The following MAPK6 variants were observed in gnomAD, a reference collection of about 807,000 sequenced individuals.
MAPK6 encodes ERK-3.
MAPK6 carries 19 observed loss-of-function variants against 59.3 expected under a neutral mutation model. The ratio of observed to expected loss-of-function variants is 0.32; its 90% CI spans 0.22 to 0.47. MAPK6 has a LOEUF of 0.47. Ranked by LOEUF, MAPK6 falls within the 20% of genes least tolerant of loss-of-function variation. The pLI, the probability that MAPK6 is intolerant of heterozygous loss-of-function variation, is 1.00. For synonymous variants in MAPK6, 316 were observed against 290.3 expected (o/e 1.09, Z -0.90); for missense variants, 724 against 847.9 (o/e 0.85, Z 1.81).
At chr15:52,013,020 AATATATATATATATATATATATAT>A (rs71130116) in intron 3 of MAPK6, among the ~76,000 whole-genome samples, 5 of 19,130 alleles carry the variant, frequency 2.6e-4, no homozygotes, top group African/African-American at 9.5e-4. Context: ...AAAAAAAAAA[AATATATATATATATATATATATAT>A]ATATATATAT....
intron 1 of MAPK6, chr15:52,021,693 A>T (rs901040692): frequency 4.6e-5 from 7 of 152,144 alleles, no homozygotes; most frequent in African/African-American, 1.7e-4. Flanking sequence ...TGTCGGTAGA[A>T]ATTGACCTTA....
upstream of MAPK6, among the ~76,000 whole-genome samples, chr15:52,016,888 A>G (rs1480996651): frequency 6.6e-6 from 1 of 152,128 alleles, no homozygotes; most frequent in Non-Finnish European, 1.5e-5. Flanking sequence ...TACTAAAAAT[A>G]CAAAAATCAG....
chr15:51,996,584 C>G (rs866493015), intron 2 of MAPK6, among the ~76,000 whole-genome samples: 3 of 151,760 alleles, frequency 2.0e-5, no homozygotes, highest in African/African-American at 4.8e-5. Flanking sequence ...TTAGTAGAAA[C>G]GAGGTTTCGC....
intron 1 of MAPK6, among the ~76,000 whole-genome samples, chr15:52,023,558 T>C (rs2030629452): frequency 6.6e-6 from 1 of 152,232 alleles, no homozygotes; most frequent in Non-Finnish European, 1.5e-5. Context: ...TTTTTTCACC[T>C]CCATGAACTG....
Position 52,050,120 on chromosome 15 carries a change from G to A in MAPK6, c.683G>A (p.Gly228Asp). The change falls in exon 3 of 6, where the codon GGT becomes GAT. Residue 228 changes from glycine to aspartate, a missense_variant. By Grantham distance (94) the Gly-to-Asp change is moderately conservative. Coordinates refer to ENST00000261845, the MANE Select transcript of MAPK6 (RefSeq NM_002748.4). ...TGCATCTTTGCTGAAATGCTGACTG[G>A]TAAAACCCTTTTTGCAGGTTAGTAT... is the stretch of plus-strand genomic sequence containing the variant. ...AGCIFAEMLTGKTLFAGAHEL... is the reference protein window; with the variant it reads ...AGCIFAEMLTDKTLFAGAHEL... 1 of 1,608,534 alleles carries A rather than the reference G, an allele frequency of 6.2e-7. No individual in the cohort carries two copies. Among genetic ancestry groups the A allele is most frequent in the Non-Finnish European group, 8.5e-7 (1 of 1,178,862 alleles).
Position 52,046,922 on chromosome 15 carries a change from A to C in MAPK6, c.462A>C (p.Lys154Asn). The change falls in exon 2 of 6, where the codon AAA (lysine) becomes AAC (asparagine). Residue 154 changes from lysine to asparagine, a missense_variant. Lys to Asn is a moderately conservative substitution (Grantham distance 94). Coordinates refer to ENST00000261845, the MANE Select transcript of MAPK6 (RefSeq NM_002748.4). ...HSANVLHRDL[K>N]PANLFINTED... ...CAAATGTACTGCACAGAGATCTCAA[A>C]CCAGCTAATCTTTTCATTAATACGG... The C allele has an allele frequency of 6.2e-7, 1 of 1,613,952 alleles. No individual in the cohort carries two copies. Among genetic ancestry groups the C allele is most frequent in the Non-Finnish European group, 8.5e-7 (1 of 1,179,932 alleles).
chr15:52,040,544 T>G (rs566141691), intron 1 of MAPK6, among the ~76,000 whole-genome samples: 1 of 152,374 alleles, frequency 6.6e-6, no homozygotes, highest in African/African-American at 2.4e-5. Flanking sequence ...ACATCTAGAC[T>G]TCCTTTTTGA....
At chr15:52,053,654 T>C (rs1365732119) in intron 3 of MAPK6, among the ~76,000 whole-genome samples, 2 of 151,264 alleles carry the variant, frequency 1.3e-5, no homozygotes, top group African/African-American at 2.4e-5. Flanking sequence ...TTGATTGATT[T>C]TTTAAGACAG....
rs936592583 is a variant in MAPK6, at chr15:52,012,829, A to C, written c.-632+8427A>C. On this transcript the variant is annotated intron_variant, in intron 3 of 7. Transcript: ENST00000691380. ...TGGTGAAACCTCGTCTTTACTAAAA[A>C]TACAAAAATTAGCCGGGCGTGGTGG... Among the ~76,000 whole-genome samples, 5 of 151,186 alleles carry C rather than the reference A, an allele frequency of 3.3e-5. No homozygotes were observed. In the East Asian group the frequency reaches 9.7e-4, roughly 29 times the overall value.
intron 1 of MAPK6, among the ~76,000 whole-genome samples, chr15:51,979,022 G>T (rs1331182083): frequency 6.6e-6 from 1 of 150,788 alleles, no homozygotes; most frequent in African/African-American, 2.4e-5. Flanking sequence ...GAGGCATGAG[G>T]ATCATTTGAG....
At chr15:51,987,057 C>T (rs1343154942) in intron 2 of MAPK6, among the ~76,000 whole-genome samples, 5 of 152,082 alleles carry the variant, frequency 3.3e-5, no homozygotes, top group African/African-American at 7.2e-5. Flanking sequence ...TTTATAAAAA[C>T]GTATTACCAT....
chr15:52,019,536 T>C (rs2030417859), intron 1 of MAPK6, among the ~76,000 whole-genome samples, 160 bp downstream of exon 1: 1 of 145,670 alleles, frequency 6.9e-6, no homozygotes, highest in South Asian at 2.1e-4. Context: ...AAAGGCGTTT[T>C]TGTTCGGTCT....
At chr15:52,056,445 T>C (rs1199308695) in intron 3 of MAPK6, among the ~76,000 whole-genome samples, 1 of 151,908 alleles carries the variant, frequency 6.6e-6, no homozygotes, top group African/African-American at 2.4e-5. Flanking sequence ...AAAAGATGCG[T>C]GCATCCTTGC....
chr15:52,023,010 G>A (rs1022710794), intron 1 of MAPK6, among the ~76,000 whole-genome samples: 1 of 151,088 alleles, frequency 6.6e-6, no homozygotes, highest in African/African-American at 2.4e-5. Flanking sequence ...AGGAGGCTGA[G>A]GCAGGAGAAT....
chr15:51,984,025 A>G (rs148770092), intron 2 of MAPK6, among the ~76,000 whole-genome samples: 193 of 152,140 alleles, frequency 1.3e-3, no homozygotes, highest in African/African-American at 4.5e-3. Flanking sequence ...TGATGTTAAG[A>G]AAGTAATTTG....
At chr15:51,977,752 A>T (rs888012028) in intron 1 of MAPK6, among the ~76,000 whole-genome samples, 8 of 151,050 alleles carry the variant, frequency 5.3e-5, no homozygotes, top group Admixed American at 2.0e-4. Flanking sequence ...GCTCAGAATG[A>T]CTTCGAACTC....
chr15:51,995,796 C>T (rs377091469), intron 2 of MAPK6, among the ~76,000 whole-genome samples: 1 of 152,034 alleles, frequency 6.6e-6, no homozygotes, highest in Non-Finnish European at 1.5e-5. Flanking sequence ...GGCATGGTGG[C>T]GCATGCCTAT....
In MAPK6 at chr15:52,065,708, A is replaced by AAATT. The variant is rs747364871; in HGVS notation, c.*711_*714dup. On this transcript the variant is annotated 3_prime_UTR_variant, in exon 6 of 6. Transcript: ENST00000261845. ...TATATTTTCTGTATTTAATTATAAA[A>AAATT]AATTAACTTAGTTTTTAAAATTTAT... The AAATT allele has an allele frequency of 1.3e-5, 2 of 149,998 alleles. No individual in the cohort carries two copies. The highest frequency in any genetic ancestry group is 3.0e-5 in the Non-Finnish European group (2 of 67,490). The allele number at this position is 149,998 out of a possible 1,614,324, so 9.3% of individuals were successfully genotyped here.
intron 1 of MAPK6, among the ~76,000 whole-genome samples, chr15:52,041,987 C>T (rs2141075231): frequency 6.6e-6 from 1 of 152,314 alleles, no homozygotes; most frequent in African/African-American, 2.4e-5. Context: ...ACCATTTTAT[C>T]CCCATTGCCA....
Sources: gnomAD v4.1 joint callset for allele counts (sites outside exome capture counted in the v4.1 genomes callset) on GRCh38, gnomAD v4.1.1 for gene constraint, MANE v1.5 for transcripts, NCBI Gene and HGNC (gene_info 2026-07-23, HGNC 2026-07-21) for gene names.